GPC6: variants seen among roughly 807,000 people sequenced by gnomAD.
GPC6 encodes glypican-6.
In GPC6, 14 loss-of-function variants were observed where a neutral mutation model predicts 55.2. That is an observed-to-expected ratio of 0.25 (90% CI 0.17 to 0.40). The LOEUF (loss-of-function observed/expected upper bound fraction) is 0.40, where lower values mean the gene tolerates loss of function less well. GPC6 is among the 10% of genes least tolerant of loss of function. The pLI, the probability that GPC6 is intolerant of heterozygous loss-of-function variation, is 1.00. For missense variants in GPC6, 641 were observed against 708.5 expected (o/e 0.90, Z 1.08); for synonymous variants, 278 against 259.6 (o/e 1.07, Z -0.68).
intron 1 of GPC6, among the ~76,000 whole-genome samples, chr13:93,344,347 G>A (rs1880362327): frequency 6.6e-6 from 1 of 152,168 alleles, no homozygotes; most frequent in African/African-American, 2.4e-5. Context: ...TAGTAGACTT[G>A]TCATATCCCA....
At chr13:93,459,553 C>A (rs1382495032) in intron 1 of GPC6, among the ~76,000 whole-genome samples, 1 of 151,976 alleles carries the variant, frequency 6.6e-6, no homozygotes, top group Non-Finnish European at 1.5e-5. Context: ...GCAGTACAAC[C>A]CAAGGATCTC....
intron 4 of GPC6, among the ~76,000 whole-genome samples, chr13:94,180,172 A>T (rs9524355): frequency 0.24 from 37,047 of 152,002 alleles, 4,650 homozygotes; most frequent in Middle Eastern, 0.36. Context: ...GAGTATTATT[A>T]GAAAGATAAG....
rs544140665 is a variant in GPC6 at position 93,406,106 on chromosome 13, A to G, written c.161-139157A>G. ...TCTATTCATTAAAGCCAGTCAAAGG[A>G]CAGCCCAAATTCAATGTTTGGTGAA... On this transcript the variant is annotated intron_variant, in intron 1 of 8. Coordinates refer to ENST00000377047, the MANE Select transcript of GPC6 (RefSeq NM_005708.5). Among the ~76,000 whole-genome samples the G allele has an allele frequency of 7.2e-5, 11 of 152,270 alleles. 1 individual carries two copies. The highest frequency in any genetic ancestry group is 2.6e-4 in the African/African-American group (11 of 41,570).
chr13:93,496,975 T>C (rs562391413), intron 1 of GPC6, among the ~76,000 whole-genome samples: 2 of 152,304 alleles, frequency 1.3e-5, no homozygotes, highest in East Asian at 3.9e-4. Flanking sequence ...TGGAGGATTA[T>C]GAACACCAAC....
chr13:94,066,668 C>A (rs762805679), intron 4 of GPC6, among the ~76,000 whole-genome samples: 13 of 152,276 alleles, frequency 8.5e-5, no homozygotes, highest in Admixed American at 3.3e-4. Flanking sequence ...GTGCATATGA[C>A]CAAGTCAGTA....
At chr13:94,394,812 A>G (rs548684380) in intron 7 of GPC6, among the ~76,000 whole-genome samples, 92 of 152,322 alleles carry the variant, frequency 6.0e-4, no homozygotes, top group African/African-American at 2.2e-3. Flanking sequence ...ACTTGTTTTT[A>G]TTGTAAGCAG....
At chr13:93,660,412 G>A (rs545948099) in intron 2 of GPC6, among the ~76,000 whole-genome samples, 4 of 152,230 alleles carry the variant, frequency 2.6e-5, no homozygotes, top group African/African-American at 9.6e-5. Flanking sequence ...ACTTCTTGTT[G>A]AGTTGCAGTG....
At chr13:93,833,260 C>T (rs1027366741) in intron 3 of GPC6, among the ~76,000 whole-genome samples, 1 of 151,800 alleles carries the variant, frequency 6.6e-6, no homozygotes, top group East Asian at 1.9e-4. Context: ...ACTTCCTCAC[C>T]TAATGATTAC....
At chr13:93,299,093 A>G (rs185312628) in intron 1 of GPC6, among the ~76,000 whole-genome samples, 1 of 152,224 alleles carries the variant, frequency 6.6e-6, no homozygotes, top group East Asian at 1.9e-4. Flanking sequence ...TTCTTTCAAC[A>G]TCTTGTTTCC....
intron 1 of GPC6, among the ~76,000 whole-genome samples, chr13:93,277,969 T>C (rs1877814103): frequency 6.6e-6 from 1 of 152,222 alleles, no homozygotes; most frequent in Non-Finnish European, 1.5e-5. Context: ...GTGTATATTA[T>C]ATCCCAGTGA....
intron 4 of GPC6, among the ~76,000 whole-genome samples, chr13:94,078,206 T>C (rs1594718446): frequency 6.6e-6 from 1 of 151,796 alleles, no homozygotes; most frequent in African/African-American, 2.4e-5. Context: ...TCCAAAAATA[T>C]CTTGAAACTG....
intron 3 of GPC6, among the ~76,000 whole-genome samples, chr13:94,024,336 A>AT (rs1882813229): frequency 1.3e-5 from 2 of 152,186 alleles, no homozygotes; most frequent in Non-Finnish European, 2.9e-5. Flanking sequence ...AAATGAAAAG[A>AT]TTTTAAAGAG....
intron 4 of GPC6, among the ~76,000 whole-genome samples, chr13:94,071,565 T>C (rs1400439869): frequency 6.6e-6 from 1 of 152,104 alleles, no homozygotes; most frequent in African/African-American, 2.4e-5. Flanking sequence ...GTATCTGTGG[T>C]TTTATCTGGA....
chr13:93,848,413 G>A (rs1165565302), intron 3 of GPC6, among the ~76,000 whole-genome samples: 2 of 151,902 alleles, frequency 1.3e-5, no homozygotes, highest in Non-Finnish European at 2.9e-5. Flanking sequence ...GGTTTCTGCT[G>A]AAATCTACAT....
intron 2 of GPC6, among the ~76,000 whole-genome samples, chr13:93,684,662 AC>A (rs1881979719): frequency 6.6e-6 from 1 of 152,016 alleles, no homozygotes; most frequent in Admixed American, 6.6e-5. Context: ...TATTTTTTTC[AC>A]CTTTATATTC....
chr13:93,429,616 G>T (rs1877280223), intron 1 of GPC6, among the ~76,000 whole-genome samples: 2 of 152,098 alleles, frequency 1.3e-5, no homozygotes, highest in South Asian at 4.1e-4. Context: ...TATCATGATA[G>T]TAGCCCCTAG....
chr13:93,374,228 A>G (rs1190188010), intron 1 of GPC6, among the ~76,000 whole-genome samples: 1 of 152,240 alleles, frequency 6.6e-6, no homozygotes, highest in Non-Finnish European at 1.5e-5. Flanking sequence ...TCTGAAAAAG[A>G]CTTTAGAAAA....
intron 4 of GPC6, among the ~76,000 whole-genome samples, chr13:94,090,300 G>A (rs1380174582): frequency 1.3e-5 from 2 of 152,076 alleles, no homozygotes; most frequent in Admixed American, 6.6e-5. Flanking sequence ...CCTCCCACCG[G>A]ATCCCTCCCA....
intron 3 of GPC6, among the ~76,000 whole-genome samples, chr13:93,837,131 A>G (rs1887766366): frequency 6.6e-6 from 1 of 152,228 alleles, no homozygotes; most frequent in Non-Finnish European, 1.5e-5. Context: ...ATCTATTTCC[A>G]ATGAATTAAA....
Sources: allele counts gnomAD v4.1 joint callset (sites outside exome capture counted in the v4.1 genomes callset), GRCh38; gene constraint gnomAD v4.1.1; transcripts MANE v1.5; gene names NCBI Gene and HGNC (gene_info 2026-07-23, HGNC 2026-07-21).